Variants in NFAM1 observed in about 807,000 individuals in gnomAD.
NFAM1 encodes the protein NFAT activation molecule 1.
In NFAM1, 17 loss-of-function variants were observed where a neutral mutation model predicts 29.0. That is an observed-to-expected ratio of 0.59 (90% CI 0.40 to 0.88). NFAM1 has a LOEUF of 0.88. Among genes scored for constraint, NFAM1 ranks in the 40% least tolerant of loss-of-function variants. The pLI, the probability that NFAM1 is intolerant of heterozygous loss-of-function variation, is 0.00. For synonymous variants in NFAM1, 175 were observed against 147.2 expected (o/e 1.19, Z -1.36); for missense variants, 324 against 344.6 (o/e 0.94, Z 0.47).
intron 1 of NFAM1, among the ~76,000 whole-genome samples, chr22:42,423,683 C>G (rs1187986532): frequency 6.6e-6 from 1 of 151,502 alleles, no homozygotes; most frequent in Non-Finnish European, 1.5e-5. Flanking sequence ...TGTATCACCT[C>G]AGTCCAGCCT....
chr22:42,421,458 A>G (rs1471053475), intron 1 of NFAM1, among the ~76,000 whole-genome samples: 2 of 151,154 alleles, frequency 1.3e-5, no homozygotes, highest in African/African-American at 2.4e-5. Flanking sequence ...AAAAAAAAAA[A>G]AAAGAAAAGA....
chr22:42,405,429 A>T (rs1929863839), intron 3 of NFAM1, among the ~76,000 whole-genome samples: 1 of 152,114 alleles, frequency 6.6e-6, no homozygotes, highest in Admixed American at 6.5e-5. Flanking sequence ...CCCTGGCCTC[A>T]TTTCGAGTGC....
rs1439147870 is a variant in NFAM1, at chr22:42,409,712, T to C, written c.452-165A>G. On this transcript the variant is annotated intron_variant, in intron 2 of 5. Transcript: ENST00000329021. The surrounding 1 kb of genome is among the most constrained non-coding windows in gnomAD (Gnocchi z 4.9). ...GGAGCCAGGGTTCGGGCCTTCATTG[T>C]CCCCTCACTCCTTTTCATGCTCACT... Among the ~76,000 whole-genome samples, 2 of 152,126 alleles carry C rather than the reference T, an allele frequency of 1.3e-5. No homozygotes were observed. The highest frequency in any genetic ancestry group is 2.9e-5 in the Non-Finnish European group (2 of 68,002).
intron 2 of NFAM1, among the ~76,000 whole-genome samples, chr22:42,410,833 G>T (rs1240546933): frequency 2.0e-5 from 3 of 152,134 alleles, no homozygotes; most frequent in East Asian, 3.9e-4. Context: ...GAGACCAAGG[G>T]CCCAAGGGAG....
At chr22:42,426,919 G>A (rs1019878831) in intron 1 of NFAM1, among the ~76,000 whole-genome samples, 6 of 152,158 alleles carry the variant, frequency 3.9e-5, no homozygotes, top group African/African-American at 1.2e-4. Flanking sequence ...CACGCCCTGA[G>A]GCCATCATGG....
chr22:42,421,217 G>C (rs568892945), intron 1 of NFAM1, among the ~76,000 whole-genome samples: 12 of 152,168 alleles, frequency 7.9e-5, no homozygotes, highest in Non-Finnish European at 1.8e-4. Flanking sequence ...CTGGGAGCGT[G>C]AGGTGGGTGG....
At chr22:42,414,476 G>A (rs773902867) in intron 1 of NFAM1, among the ~76,000 whole-genome samples, 3 of 151,974 alleles carry the variant, frequency 2.0e-5, no homozygotes, top group South Asian at 2.1e-4. Context: ...ATGGTGGCGC[G>A]TGTCTGTAAT....
Position 42,408,251 on chromosome 22 carries a change from C to T in NFAM1, c.564+1184G>A, listed in dbSNP as rs541142436. Among the ~76,000 whole-genome samples, 2 of 152,178 alleles carry T rather than the reference C, an allele frequency of 1.3e-5. 1 individual carries two copies. Among genetic ancestry groups the T allele is most frequent in the South Asian group, 4.1e-4 (2 of 4,828 alleles). On this transcript the variant is annotated intron_variant, in intron 3 of 5. Coordinates refer to ENST00000329021, the MANE Select transcript of NFAM1 (RefSeq NM_145912.8). ...ATTGCTGTATCCCTGGTGCCTAGAA[C>T]AGGGCCTGGAATGTAGGTTTTCAGT...
chr22:42,409,289 C>T lies in NFAM1; in HGVS notation c.564+146G>A, dbSNP rs1930001412. ...GTGGCACAGGAGGGATGCCCCCAGC[C>T]CTGGTGCAAGGGGCCACGAGGGCCA... On this transcript the variant is annotated intron_variant, in intron 3 of 5. Transcript: ENST00000329021. The surrounding 1 kb of genome is among the most constrained non-coding windows in gnomAD (Gnocchi z 4.9). 1 of 456,562 alleles carries T rather than the reference C, an allele frequency of 2.2e-6. No homozygotes were observed. The highest frequency in any genetic ancestry group is 3.3e-5 in the East Asian group (1 of 30,176). 28.3% of individuals were successfully genotyped at this position (456,562 alleles called of 1,614,324 possible).
intron 1 of NFAM1, among the ~76,000 whole-genome samples, chr22:42,421,445 CAAAAAAA>C (rs202030633): frequency 8.9e-6 from 1 of 112,604 alleles, no homozygotes; most frequent in African/African-American, 3.2e-5. Flanking sequence ...AACTCTGTCT[CAAAAAAA>C]AAAAAAAAAG....
At chr22:42,386,779 C>G (rs773396938) in intron 5 of NFAM1, among the ~76,000 whole-genome samples, 1 of 152,192 alleles carries the variant, frequency 6.6e-6, no homozygotes, top group African/African-American at 2.4e-5. Context: ...AAGTCAGACA[C>G]CTCGGCCAGG....
At position 42,419,989 on chromosome 22, in the gene NFAM1, G is replaced by GT. The variant is rs1491236869; in HGVS notation, c.122-8254_122-8253insA. 0.014 allele frequency among the ~76,000 whole-genome samples: 777 copies of GT among 56,504 alleles called. 105 individuals are homozygous for GT. The highest frequency in any genetic ancestry group is 0.024 in the Middle Eastern group (3 of 126). 37.1% of individuals were successfully genotyped at this position (56,504 alleles called of 152,430 possible). ...CCTTTGAGTCTGTAATCCCACTCTTGGTTTTTTTTTTTTTTTTTTTTTTTT... is the reference window on the plus strand; with the variant it reads ...CCTTTGAGTCTGTAATCCCACTCTTGTGTTTTTTTTTTTTTTTTTTTTTTTT... On this transcript the variant is annotated intron_variant, in intron 1 of 5. Transcript: ENST00000329021. This position sits in a 1 kb window ranked among gnomAD's most constrained non-coding sequence, Gnocchi z 4.5.
chr22:42,424,877 C>G (rs1416950152), intron 1 of NFAM1, among the ~76,000 whole-genome samples: 1 of 151,438 alleles, frequency 6.6e-6, no homozygotes, highest in Non-Finnish European at 1.5e-5. Flanking sequence ...TCCTTCCCTC[C>G]CTCTCTCTTT....
chr22:42,396,287 A>G (rs754139706), intron 4 of NFAM1, among the ~76,000 whole-genome samples: 2 of 152,224 alleles, frequency 1.3e-5, no homozygotes, highest in Non-Finnish European at 1.5e-5. Context: ...AATCTCATAG[A>G]AAGATATTTA....
upstream of NFAM1, among the ~76,000 whole-genome samples, chr22:42,437,291 C>T (rs929068398): frequency 3.9e-5 from 6 of 151,950 alleles, no homozygotes; most frequent in South Asian, 1.2e-3. Flanking sequence ...TAAAGGCACC[C>T]ACCACCACAC....
At chr22:42,386,274 T>C (rs947545105) in intron 5 of NFAM1, among the ~76,000 whole-genome samples, 4 of 151,908 alleles carry the variant, frequency 2.6e-5, no homozygotes, top group African/African-American at 9.7e-5. Flanking sequence ...CTCGGGAGGC[T>C]GAGGCAGGAG....
upstream of NFAM1, among the ~76,000 whole-genome samples, chr22:42,434,388 G>A (rs1259177137): frequency 6.6e-6 from 1 of 152,168 alleles, no homozygotes; most frequent in African/African-American, 2.4e-5. Flanking sequence ...GGGAGGAGGC[G>A]TGCATACTCC....
chr22:42,401,640 G>A (rs757329399), intron 3 of NFAM1, among the ~76,000 whole-genome samples: 1 of 152,162 alleles, frequency 6.6e-6, no homozygotes, highest in Admixed American at 6.5e-5. Context: ...CCCACTGAGC[G>A]CTCTGTCCTC....
At chr22:42,415,294 C>CTTTTTTTTTTTTT (rs398037250) in intron 1 of NFAM1, among the ~76,000 whole-genome samples, 12 of 94,830 alleles carry the variant, frequency 1.3e-4, no homozygotes, top group Admixed American at 2.3e-4. Flanking sequence ...TTCTTTCTTT[C>CTTTTTTTTTTTTT]TTTTTTTTTT....
Sources: allele counts gnomAD v4.1 joint callset (sites outside exome capture counted in the v4.1 genomes callset), GRCh38; gene constraint gnomAD v4.1.1; non-coding constraint Gnocchi (gnomAD v3.1); transcripts MANE v1.5; gene names NCBI Gene and HGNC (gene_info 2026-07-23, HGNC 2026-07-21).